NUFIP1: variants seen among roughly 807,000 people sequenced by gnomAD.
The protein encoded by NUFIP1 is FMR1-interacting protein NUFIP1.
A neutral mutation model predicts 56.2 loss-of-function variants in NUFIP1; 38 were observed. The ratio of observed to expected loss-of-function variants is 0.68; its 90% confidence interval spans 0.52 to 0.89. The LOEUF is 0.89. Among genes scored for constraint, NUFIP1 ranks in the 40% least tolerant of loss-of-function variants. The probability of loss-of-function intolerance (pLI) is 0.00; values close to 1 mark genes in which losing one functional copy is unlikely to be tolerated. For missense variants in NUFIP1, 567 were observed against 605.8 expected (o/e 0.94, Z 0.67); for synonymous variants, 215 against 212.4 (o/e 1.01, Z -0.10).
At chr13:44,957,302 C>T (rs986279072) in intron 7 of NUFIP1, among the ~76,000 whole-genome samples, 4 of 152,164 alleles carry the variant, frequency 2.6e-5, no homozygotes, top group African/African-American at 4.8e-5. Flanking sequence ...ACCTCCACCT[C>T]GGGGGTTCAA....
At chr13:44,959,222 G>A (rs974661274) in intron 7 of NUFIP1, among the ~76,000 whole-genome samples, 159 bp downstream of exon 7, 4 of 152,080 alleles carry the variant, frequency 2.6e-5, no homozygotes, top group African/African-American at 7.2e-5. Context: ...CTGAAATGAC[G>A]TTTTAAACAA....
chr13:44,979,097 T>G lies in NUFIP1; in HGVS notation c.734+93A>C, dbSNP rs527353481. ...ATGCCTTATGGTCCTCTTCCCTAGT[T>G]CCAACATTCTAAGGGAATTCAATGA... On this transcript the variant is annotated intron_variant, in intron 5 of 9. Coordinates refer to ENST00000379161, the MANE Select transcript of NUFIP1 (RefSeq NM_012345.3). The G allele has an allele frequency of 1.6e-5, 16 of 1,010,348 alleles. No homozygotes were observed. The African/African-American group carries it at 2.6e-4, about 16-fold the overall frequency. The allele number at this position is 1,010,348 out of a possible 1,614,324, so 62.6% of individuals were successfully genotyped here. A position where few individuals can be genotyped will look rare whatever the true frequency, so the allele number is the denominator to read the frequency against.
chr13:44,986,297 G>A (rs1417790546), intron 1 of NUFIP1, among the ~76,000 whole-genome samples: 2 of 152,214 alleles, frequency 1.3e-5, no homozygotes, highest in African/African-American at 4.8e-5. Flanking sequence ...ACAGGAGTTT[G>A]AAAGAAGAAA....
chr13:44,947,234 CTTTT>C (rs899115570), intron 8 of NUFIP1, among the ~76,000 whole-genome samples: 2 of 124,312 alleles, frequency 1.6e-5, no homozygotes, highest in Admixed American at 8.2e-5. Flanking sequence ...AAGCTTATTC[CTTTT>C]TTTTTTTTTT....
At chr13:44,941,379 A>T in intron 9 of NUFIP1, 57 bp from the exon 10 acceptor site, 1 of 962,944 alleles carries the variant, frequency 1.0e-6, no homozygotes. Context: ...TGGGAAATAC[A>T]ATCTAAAATA....
chr13:44,960,789 G>A (rs1293988544), intron 6 of NUFIP1, among the ~76,000 whole-genome samples: 22 of 152,088 alleles, frequency 1.4e-4, no homozygotes, highest in African/African-American at 4.1e-4. Flanking sequence ...TTGGCCGGGC[G>A]CGGTGGCTCA....
chr13:44,988,441 G>A (rs542227538), intron 1 of NUFIP1, among the ~76,000 whole-genome samples: 2 of 151,988 alleles, frequency 1.3e-5, no homozygotes, highest in African/African-American at 4.8e-5. Context: ...GCGACAGAGC[G>A]ACACTCTGTC....
intron 5 of NUFIP1, 109 bp downstream of exon 5, chr13:44,979,081 G>T: frequency 1.2e-6 from 1 of 822,986 alleles, no homozygotes; most frequent in Non-Finnish European, 1.9e-6. Flanking sequence ...TATGCCTTAT[G>T]GTCCTCTTCC....
intron 8 of NUFIP1, 43 bp downstream of exon 8, chr13:44,949,679 A>T: frequency 7.8e-7 from 1 of 1,283,836 alleles, no homozygotes; most frequent in Non-Finnish European, 1.1e-6. Context: ...AAAGGCAAAA[A>T]GCAACAAAAC....
At chr13:44,968,173 A>G (rs1002700630) in intron 5 of NUFIP1, among the ~76,000 whole-genome samples, 1 of 152,226 alleles carries the variant, frequency 6.6e-6, no homozygotes, top group Non-Finnish European at 1.5e-5. Flanking sequence ...TGATTAATGT[A>G]CAAACTATAA....
intron 3 of NUFIP1, 90 bp from the exon 4 acceptor site, chr13:44,980,042 C>T (rs1872132712): frequency 2.2e-6 from 2 of 906,346 alleles, no homozygotes; most frequent in African/African-American, 1.7e-5. Context: ...CATATTCTGG[C>T]TGTATTACAT....
At chr13:44,941,460 A>C (rs1327664802) in intron 9 of NUFIP1, 138 bp from the exon 10 acceptor site, 2 of 540,528 alleles carry the variant, frequency 3.7e-6, no homozygotes, top group African/African-American at 3.9e-5. Flanking sequence ...TATTTTGCTA[A>C]AAAACGATGC....
intron 2 of NUFIP1, 68 bp from the exon 3 acceptor site, chr13:44,980,888 C>T: frequency 1.0e-6 from 1 of 979,570 alleles, no homozygotes; most frequent in South Asian, 1.5e-5. Flanking sequence ...AAAAACATAA[C>T]TATCATTCTA....
At chr13:44,944,477 T>G (rs182776633) in intron 8 of NUFIP1, among the ~76,000 whole-genome samples, 37 of 152,168 alleles carry the variant, frequency 2.4e-4, no homozygotes, top group Admixed American at 9.2e-4. Context: ...GAGAAGAGAA[T>G]TAGACAAATC....
At chr13:44,941,705 G>C (rs1012328426) in intron 9 of NUFIP1, among the ~76,000 whole-genome samples, 2 of 151,118 alleles carry the variant, frequency 1.3e-5, no homozygotes, top group African/African-American at 4.9e-5. Flanking sequence ...AGTAGAAACG[G>C]GGTTTCACCG....
At chr13:44,941,781 G>A (rs922099621) in intron 9 of NUFIP1, among the ~76,000 whole-genome samples, 5 of 152,228 alleles carry the variant, frequency 3.3e-5, no homozygotes, top group Admixed American at 2.0e-4. Flanking sequence ...CCAAAGTGCT[G>A]GGATTACAGG....
intron 8 of NUFIP1, among the ~76,000 whole-genome samples, chr13:44,949,483 G>C (rs1159088968): frequency 6.6e-6 from 1 of 152,122 alleles, no homozygotes; most frequent in Admixed American, 6.6e-5. Flanking sequence ...TTACAGGCGT[G>C]AGCCACCGCG....
intron 1 of NUFIP1, among the ~76,000 whole-genome samples, chr13:44,982,630 T>C (rs534102996): frequency 6.6e-5 from 10 of 151,160 alleles, no homozygotes; most frequent in Non-Finnish European, 1.0e-4. Flanking sequence ...TTCCAGTTCA[T>C]AAGCCCCCTC....
chr13:44,988,892 G>T, intron 1 of NUFIP1, 133 bp downstream of exon 1: 1 of 843,354 alleles, frequency 1.2e-6, no homozygotes, highest in Non-Finnish European at 1.8e-6. Flanking sequence ...GTCTCACTTT[G>T]CTTTGAGATG....
Sources: gnomAD v4.1 joint callset for allele counts (sites outside exome capture counted in the v4.1 genomes callset) on GRCh38, gnomAD v4.1.1 for gene constraint, MANE v1.5 for transcripts, NCBI Gene and HGNC (gene_info 2026-07-23, HGNC 2026-07-21) for gene names.